The following FGF13 variants were observed in gnomAD, a reference collection of about 807,000 sequenced individuals.
FGF13 encodes fibroblast growth factor 13.
In FGF13, 2 loss-of-function variants were observed where a neutral mutation model predicts 19.5. That is an observed-to-expected ratio of 0.10 (90% confidence interval 0.04 to 0.32). The LOEUF (loss-of-function observed/expected upper bound fraction) is 0.32. Among genes scored for constraint, FGF13 ranks in the 10% least tolerant of loss-of-function variants. FGF13 has a pLI of 1.00. For missense variants in FGF13, 113 were observed against 192.7 expected (o/e 0.59, Z 2.45); for synonymous variants, 72 against 76.9 (o/e 0.94, Z 0.33).
chrX:139,147,570 G>A (rs766041065), intron 1 of FGF13, among the ~76,000 whole-genome samples: 1 of 111,679 alleles, frequency 9.0e-6, no homozygotes, highest in Non-Finnish European at 1.9e-5. Context: ...TTTTCCTAGG[G>A]CTGCCATAAC....
intron 1 of FGF13, among the ~76,000 whole-genome samples, chrX:139,092,619 T>C (rs982918022): frequency 1.8e-5 from 2 of 111,942 alleles, no homozygotes; most frequent in African/African-American, 6.5e-5. Context: ...TCGGCGCTAC[T>C]TGGCAATTTG....
intron 1 of FGF13, among the ~76,000 whole-genome samples, chrX:138,971,936 T>C (rs2091918396): frequency 9.0e-6 from 1 of 111,660 alleles, no homozygotes; most frequent in Admixed American, 9.5e-5. Context: ...CACATGTAAG[T>C]GAGATCACAT....
chrX:138,955,436 T>C lies in FGF13; in HGVS notation c.-112-90786A>G, dbSNP rs181817949. ...AGGCAAAATAGCAAACGTTTGGTAG[T>C]CTCTCTTTTAGTCCTCAAAAGACTC... On this transcript the variant is annotated intron_variant, in intron 1 of 2. Coordinates refer to the FGF13 transcript ENST00000421460. Among the ~76,000 whole-genome samples, 253 of 112,135 alleles carry C rather than the reference T, an allele frequency of 2.3e-3. 1 individual carries two copies. Among genetic ancestry groups the C allele is most frequent in the Non-Finnish European group, 3.2e-3 (170 of 53,205 alleles).
intron 1 of FGF13, among the ~76,000 whole-genome samples, chrX:138,929,701 TTTCTACTTAG>T (rs1434290590): frequency 9.0e-6 from 1 of 110,862 alleles, no homozygotes; most frequent in Non-Finnish European, 1.9e-5. Flanking sequence ...TATACCCCCA[TTTCTACTTAG>T]TCCAGTTCAA....
At chrX:139,057,850 T>C (rs779558091) in intron 1 of FGF13, among the ~76,000 whole-genome samples, 1 of 112,158 alleles carries the variant, frequency 8.9e-6, no homozygotes, top group African/African-American at 3.2e-5. Context: ...ATTAATGATA[T>C]TAAAAGTTAT....
rs747819969 is a variant in FGF13, at chrX:138,726,026, C to T, written c.28+13216G>A. Among the ~76,000 whole-genome samples the T allele has an allele frequency of 2.7e-5, 3 of 110,961 alleles. No homozygotes were observed. The East Asian group carries it at 8.6e-4, about 32-fold the overall frequency. On this transcript the variant is annotated intron_variant, in intron 1 of 4. Transcript: ENST00000305414. ...TTGAGTATCAGTTTTCCTGCCAACT[C>T]GTCTTAAACTTCAGGAAAGCTCCAT...
At chrX:139,048,420 C>T (rs1311433453) in intron 1 of FGF13, among the ~76,000 whole-genome samples, 1 of 110,923 alleles carries the variant, frequency 9.0e-6, no homozygotes, top group Non-Finnish European at 1.9e-5. Flanking sequence ...CTAAGATTCC[C>T]TTAACAATTG....
chrX:139,183,518 CTGTGAGTTCACGTGAGA>C (rs998043456), intron 1 of FGF13, among the ~76,000 whole-genome samples: 3 of 111,952 alleles, frequency 2.7e-5, no homozygotes, highest in Admixed American at 1.9e-4. Flanking sequence ...AGTTCTCTCT[CTGTGAGTTCACGTGAGA>C]TGTGAGTTCA....
At chrX:138,905,117 C>T (rs1047221865) in intron 1 of FGF13, among the ~76,000 whole-genome samples, 1 of 110,963 alleles carries the variant, frequency 9.0e-6, no homozygotes, top group African/African-American at 3.3e-5. Flanking sequence ...GGTTGAGTGG[C>T]GTAGAATTCC....
intron 2 of FGF13, among the ~76,000 whole-genome samples, chrX:138,703,948 A>C: frequency 9.0e-6 from 1 of 111,425 alleles, no homozygotes; most frequent in Non-Finnish European, 1.9e-5. Flanking sequence ...TCCTGACCTC[A>C]GGTGATCTGC....
intron 1 of FGF13, among the ~76,000 whole-genome samples, chrX:138,917,731 T>C (rs899985944): frequency 3.6e-5 from 4 of 112,263 alleles, no homozygotes; most frequent in African/African-American, 1.3e-4. Context: ...TTCCTTTTTT[T>C]ACTTTTAAGT....
chrX:138,865,460 TCTCTCTCTCTCTCCTCTCTCTCTCTC>T (rs1270649604), intron 1 of FGF13, among the ~76,000 whole-genome samples: 1,045 of 80,193 alleles, frequency 0.013, 22 homozygotes, highest in African/African-American at 0.053. Context: ...CCTCTCTCTC[TCTCTCTCTCTCTCCTCTCTCTCTCTC>T]CTCTCTCTCT....
chrX:138,945,167 T>G (rs1349337275), intron 1 of FGF13, among the ~76,000 whole-genome samples: 2 of 111,029 alleles, frequency 1.8e-5, no homozygotes, highest in African/African-American at 6.6e-5. Flanking sequence ...GATCCCATGA[T>G]AGACATGTAG....
At chrX:138,786,363 C>A in intron 3 of FGF13, among the ~76,000 whole-genome samples, 1 of 111,383 alleles carries the variant, frequency 9.0e-6, no homozygotes, top group South Asian at 3.8e-4. Flanking sequence ...AGTATAAATA[C>A]CCACTCTGTA....
rs373553578 is a variant in FGF13 at position 138,871,369 on chromosome X, TG to T, written c.-112-6720del. 8.6e-3 allele frequency among the ~76,000 whole-genome samples: 950 copies of T among 110,506 alleles called. 7 individuals carry two copies. The highest frequency in any genetic ancestry group is 0.029 in the African/African-American group (879 of 30,401). The stretch of plus-strand genomic sequence containing the variant: ...TTCAAAGCATACAGTATATAGAAGA[TG>T]GGGGGGGAACAGACAAAAATTCTTG... On this transcript the variant is annotated intron_variant, in intron 1 of 2. Coordinates refer to the FGF13 transcript ENST00000421460.
At chrX:139,009,387 TA>T (rs759476374) in intron 1 of FGF13, among the ~76,000 whole-genome samples, 4 of 111,827 alleles carry the variant, frequency 3.6e-5, no homozygotes, top group Admixed American at 9.5e-5. Context: ...GAAAGAATCT[TA>T]AGAGCTATCA....
At chrX:139,055,841 G>T (rs944237920) in intron 1 of FGF13, among the ~76,000 whole-genome samples, 4 of 112,394 alleles carry the variant, frequency 3.6e-5, no homozygotes, top group Non-Finnish European at 7.5e-5. Flanking sequence ...CAGAATTCAT[G>T]TTGCTGTGAT....
At chrX:138,900,719 A>T (rs1431220248) in intron 1 of FGF13, among the ~76,000 whole-genome samples, 1 of 111,889 alleles carries the variant, frequency 8.9e-6, no homozygotes, top group Non-Finnish European at 1.9e-5. Flanking sequence ...TTCCCATGTC[A>T]TGCAGAAGAA....
chrX:138,633,118 A>T (rs2089140408), intron 4 of FGF13, 132 bp from the exon 5 acceptor site: 5 of 588,231 alleles, frequency 8.5e-6, no homozygotes, highest in Non-Finnish European at 1.2e-5. Flanking sequence ...TGCATATGTT[A>T]ATTAGCTTGA....
Sources: gnomAD v4.1 joint callset for allele counts (sites outside exome capture counted in the v4.1 genomes callset) on GRCh38, gnomAD v4.1.1 for gene constraint, MANE v1.5 for transcripts, NCBI Gene and HGNC (gene_info 2026-07-23, HGNC 2026-07-21) for gene names.